MYO10: variants seen among roughly 807,000 people sequenced by gnomAD.
MYO10 encodes unconventional myosin-X.
In MYO10, 133 loss-of-function variants were observed where a neutral mutation model predicts 257.3. The ratio of observed to expected loss-of-function variants is 0.52; its 90% CI spans 0.45 to 0.60. The LOEUF (loss-of-function observed/expected upper bound fraction) is 0.60, where lower values mean the gene tolerates loss of function less well. Ranked by LOEUF, MYO10 falls within the 20% of genes least tolerant of loss-of-function variation. The pLI is 0.00. For missense variants in MYO10, 2,399 were observed against 2,635.7 expected, an observed-to-expected ratio of 0.91 and a Z score of 1.97; for synonymous variants, 1,104 against 1,028.6, an observed-to-expected ratio of 1.07 and a Z score of -1.40.
intron 38 of MYO10, 103 bp downstream of exon 38, chr5:16,671,319 G>C: frequency 7.2e-7 from 1 of 1,379,376 alleles, no homozygotes; most frequent in Admixed American, 2.2e-5. Context: ...AAATCCACAG[G>C]TGTGCCTCAT....
intron 1 of MYO10, chr5:16,916,025 G>C: frequency 2.2e-6 from 1 of 456,104 alleles, no homozygotes; most frequent in African/African-American, 2.0e-5. Flanking sequence ...AACAGAGCTG[G>C]TGAGTAAATA....
chr5:16,680,063 G>A lies in MYO10; in HGVS notation c.4426C>T (p.Arg1476Trp), dbSNP rs201709146. Residue 1476 changes from arginine (R) to tryptophan (W), a missense_variant, in exon 33 of 41, where the codon CGG becomes TGG. Around this residue, in one of 3 missense-constraint regions of MYO10, gnomAD observed 1,820 missense variants for 1,939.4 expected, o/e 0.94. Coordinates refer to ENST00000513610, the MANE Select transcript of MYO10 (RefSeq NM_012334.3). ...VTVYGRKHCYRLYTKLLNEAT... is the reference protein window; with the variant it reads ...VTVYGRKHCYWLYTKLLNEAT... Reference sequence around the variant, plus strand: ...TCGTTGAGCAGCTTGGTGTAGAGCCGGTAACAGTGCTTGCGCCCGTACACG... The same window carrying A: ...TCGTTGAGCAGCTTGGTGTAGAGCCAGTAACAGTGCTTGCGCCCGTACACG... 49 of 1,611,602 alleles carry A rather than the reference G, an allele frequency of 3.0e-5. No individual in the cohort carries two copies. The highest frequency in any genetic ancestry group is 4.4e-5 in the South Asian group (4 of 90,900).
chr5:16,754,295 C>T (rs757691618), intron 19 of MYO10, among the ~76,000 whole-genome samples: 5 of 151,972 alleles, frequency 3.3e-5, no homozygotes, highest in Non-Finnish European at 7.4e-5. Context: ...AATTAGAAAG[C>T]TAAAATCAAA....
rs544915757 is a variant in MYO10, at chr5:16,674,845, T to G, written c.4964+8A>C. ...GCCCAGCTCATCTCCCGTGCCCCCA[T>G]GCTTTACCTTTTCAGATGGAACTTG... On this transcript the variant is annotated splice_region_variant and intron_variant, in intron 35 of 40. Coordinates refer to ENST00000513610, the MANE Select transcript of MYO10 (RefSeq NM_012334.3). 3 of 1,613,684 alleles carry G rather than the reference T, an allele frequency of 1.9e-6. No homozygotes were observed. Among genetic ancestry groups the G allele is most frequent in the East Asian group, 2.2e-5 (1 of 44,874 alleles).
In MYO10 at chr5:16,710,914, C is replaced by G; in HGVS notation, c.2163G>C (p.Lys721Asn). The G allele has an allele frequency of 6.2e-7, 1 of 1,613,362 alleles. No individual in the cohort carries two copies. Among genetic ancestry groups the G allele is most frequent in the Non-Finnish European group, 8.5e-7 (1 of 1,179,732 alleles). Residue 721 changes from lysine to asparagine, a missense_variant, in exon 21 of 41, where the codon AAG becomes AAC. By Grantham distance (94) the Lys-to-Asn change is moderately conservative (BLOSUM62 0). Transcript: ENST00000513610. ...DASNSEWQLG[K>N]TKVFLRESLE... ...CTCTTTCTCCGCATCGTACCTTGGT[C>G]TTCCCCAGCTGCCACTCGCTGTTGG...
intron 1 of MYO10, chr5:16,902,261 T>C (rs972745949): frequency 5.2e-6 from 4 of 767,072 alleles, no homozygotes; most frequent in African/African-American, 1.7e-5. Flanking sequence ...CTCCAGAGAA[T>C]AGTCTGTCTT....
rs1740590769 is a variant in MYO10 at position 16,758,166 on chromosome 5, C to T, written c.1800G>A (p.Leu600=). 1 of 1,613,730 alleles carries T rather than the reference C, an allele frequency of 6.2e-7. No individual in the cohort carries two copies. Among genetic ancestry groups the T allele is most frequent in the Admixed American group, 1.7e-5 (1 of 60,004 alleles). The change falls in exon 18 of 41, where the codon TTG becomes TTA. Residue 600 remains leucine (L), a synonymous_variant. Coordinates refer to ENST00000513610, the MANE Select transcript of MYO10 (RefSeq NM_012334.3). The part of the protein sequence containing the change: ...HVSSRNNQDT[L]KCGSKHRRPT... ...GCCGCCGATGTTTGCTTCCACATTT[C>T]AAGGTATCCTGGTTGTTGCGGCTTG...
rs146174336 is a variant in MYO10 at position 16,766,375 on chromosome 5, G to A, written c.1061-177C>T. 1.1e-3 allele frequency among the ~76,000 whole-genome samples: 160 copies of A among 152,328 alleles called. 1 individual carries two copies. Among genetic ancestry groups the A allele is most frequent in the African/African-American group, 3.6e-3 (150 of 41,572 alleles). ...TCCTAGATTAGTAGCATAGAGCCTC[G>A]TGCTTGGACGAAGTGTGGTCTGGGA... On this transcript the variant is annotated intron_variant, in intron 10 of 40. Coordinates refer to ENST00000513610, the MANE Select transcript of MYO10 (RefSeq NM_012334.3).
intron 2 of MYO10, among the ~76,000 whole-genome samples, chr5:16,851,777 G>A (rs1409123043): frequency 6.6e-6 from 1 of 152,140 alleles, no homozygotes; most frequent in Non-Finnish European, 1.5e-5. Flanking sequence ...TAATGGCCGG[G>A]CGTGGTGGCT....
intron 3 of MYO10, among the ~76,000 whole-genome samples, chr5:16,798,264 G>T (rs1052319115): frequency 6.6e-6 from 1 of 152,082 alleles, no homozygotes; most frequent in African/African-American, 2.4e-5. Context: ...CAGAGTTGTT[G>T]GTTGTACAGC....
At position 16,857,150 on chromosome 5, in the gene MYO10, C is replaced by T. The variant is rs183871224; in HGVS notation, c.120+20459G>A. Among the ~76,000 whole-genome samples, 432 of 152,310 alleles carry T rather than the reference C, an allele frequency of 2.8e-3. 1 individual carries two copies. Among genetic ancestry groups the T allele is most frequent in the African/African-American group, 9.7e-3 (404 of 41,572 alleles). ...GTGCTGGGCTCTGATGAACACACAA[C>T]ACACAGGCTTGTCCTCATTTTGCTG... On this transcript the variant is annotated intron_variant, in intron 2 of 40. Coordinates refer to ENST00000513610, the MANE Select transcript of MYO10 (RefSeq NM_012334.3).
intron 3 of MYO10, chr5:16,815,421 G>T: frequency 2.9e-6 from 2 of 700,146 alleles, no homozygotes; most frequent in Middle Eastern, 2.3e-4. Context: ...GAAGCATTGT[G>T]GATTTGGAGT....
At chr5:16,718,213 C>G (rs942987434) in intron 19 of MYO10, among the ~76,000 whole-genome samples, 7 of 152,324 alleles carry the variant, frequency 4.6e-5, no homozygotes, top group African/African-American at 1.4e-4. Context: ...GGACCTGCAG[C>G]CCGCCATGCC....
intron 3 of MYO10, among the ~76,000 whole-genome samples, chr5:16,808,786 C>T (rs1373482911): frequency 6.6e-6 from 1 of 152,176 alleles, no homozygotes; most frequent in Non-Finnish European, 1.5e-5. Context: ...ATTCTCCTGC[C>T]TCAGCCTCCC....
chr5:16,701,539 C>T lies in MYO10; in HGVS notation c.2856G>A (p.Glu952=). 1.9e-6 allele frequency: 3 copies of T among 1,613,958 alleles called. No homozygotes were observed. The highest frequency in any genetic ancestry group is 2.5e-6 in the Non-Finnish European group (3 of 1,179,874). The part of the protein sequence containing the change: ...LESLNFDEID[E]CVRNIERSLS... ...GGGACCGCTCGATATTCCGGACACA[C>T]TCGTCGATCTCGTCGAAATTGAGGG... Residue 952 remains glutamate, a synonymous_variant, in exon 25 of 41, where the codon GAG becomes GAA. Transcript: ENST00000513610. This position sits in a 1 kb window ranked among gnomAD's most constrained non-coding sequence, Gnocchi z 8.1.
intron 3 of MYO10, among the ~76,000 whole-genome samples, chr5:16,816,329 C>T (rs1340448024): frequency 2.0e-5 from 2 of 98,630 alleles, no homozygotes; most frequent in African/African-American, 7.1e-5. Context: ...CAGAGTGAGA[C>T]TCTGTCTCAA....
chr5:16,870,040 G>C (rs999129065), intron 2 of MYO10, among the ~76,000 whole-genome samples: 1 of 151,256 alleles, frequency 6.6e-6, no homozygotes, highest in African/African-American at 2.5e-5. Context: ...CCGTGTTTCT[G>C]AGGTTCCATT....
intron 19 of MYO10, chr5:16,713,499 T>C: frequency 2.0e-6 from 2 of 985,206 alleles, no homozygotes; most frequent in Non-Finnish European, 2.4e-6. Flanking sequence ...GACAACCCCT[T>C]CCATTCTCGG....
In MYO10 at chr5:16,701,605, C is replaced by T. The variant is rs373029218; in HGVS notation, c.2790G>A (p.Leu930=). ...QERRDQELRR[L]EEEACRAAQE... ...GGGCCGCCCTGCACGCTTCCTCCTC[C>T]AGCCTGCGGAGCTCCTGGTCCCGCC... The change falls in exon 25 of 41, where the codon CTG becomes CTA. Residue 930 remains leucine (L), a synonymous_variant. Coordinates refer to ENST00000513610, the MANE Select transcript of MYO10 (RefSeq NM_012334.3). The surrounding 1 kb of genome is among the most constrained non-coding windows in gnomAD (Gnocchi z 8.1). 1.9e-6 allele frequency: 3 copies of T among 1,613,156 alleles called. No individual in the cohort carries two copies. The highest frequency in any genetic ancestry group is 2.7e-5 in the African/African-American group (2 of 75,064).
Sources: gnomAD v4.1 joint callset for allele counts (sites outside exome capture counted in the v4.1 genomes callset) on GRCh38, gnomAD v4.1.1 for gene constraint, gnomAD v4.1.1 regional missense constraint, Gnocchi (gnomAD v3.1) non-coding constraint, MANE v1.5 for transcripts, NCBI Gene and HGNC (gene_info 2026-07-23, HGNC 2026-07-21) for gene names.